SPARC: variants seen among roughly 807,000 people sequenced by gnomAD.
SPARC encodes secreted protein acidic and cysteine rich, also known as basement-membrane protein 40.
A neutral mutation model predicts 37.7 loss-of-function variants in SPARC; 23 were observed. The observed-to-expected ratio is 0.61, with a 90% CI of 0.44 to 0.87. The LOEUF is 0.87. Ranked by LOEUF, SPARC falls within the 40% of genes least tolerant of loss-of-function variation. SPARC has a pLI of 0.00. For missense variants in SPARC, 312 were observed against 389.0 expected, an observed-to-expected ratio of 0.80 and a Z score of 1.66; for synonymous variants, 155 against 150.8, an observed-to-expected ratio of 1.03 and a Z score of -0.20.
chr5:151,676,712 C>T (rs766665018), intron 1 of SPARC, among the ~76,000 whole-genome samples: 7 of 152,158 alleles, frequency 4.6e-5, no homozygotes, highest in Admixed American at 1.3e-4. Flanking sequence ...TTCAAGGTCC[C>T]TTCAATCCCT....
intron 1 of SPARC, chr5:151,685,787 T>C: frequency 6.6e-6 from 1 of 152,226 alleles, no homozygotes; most frequent in African/African-American, 2.4e-5. Context: ...ATGCTGTCCT[T>C]TCCTGAGGAA....
intron 5 of SPARC, among the ~76,000 whole-genome samples, 167 bp downstream of exon 5, chr5:151,671,406 G>A (rs1187236194): frequency 6.6e-6 from 1 of 152,206 alleles, no homozygotes; most frequent in Non-Finnish European, 1.5e-5. Flanking sequence ...GTGCCAGGCA[G>A]AGCACTCTGA....
At chr5:151,677,078 C>T (rs1259278649) in intron 1 of SPARC, 7 of 152,306 alleles carry the variant, frequency 4.6e-5, no homozygotes, top group African/African-American at 1.7e-4. Flanking sequence ...CTCTAAATGC[C>T]AAGCTCTAGA....
intron 2 of SPARC, among the ~76,000 whole-genome samples, chr5:151,675,376 A>C (rs1760833493): frequency 6.6e-6 from 1 of 152,134 alleles, no homozygotes; most frequent in South Asian, 2.1e-4. Context: ...TGAGCTGTGG[A>C]TAACTACTCC....
chr5:151,673,966 CTG>C (rs3138755), intron 3 of SPARC, among the ~76,000 whole-genome samples: 35,580 of 141,540 alleles, frequency 0.25, 5,022 homozygotes, highest in Non-Finnish European at 0.34. Flanking sequence ...CCCCTTTCCT[CTG>C]TGTGTGTGTG....
intron 4 of SPARC, chr5:151,671,913 A>T (rs531147833): frequency 1.3e-5 from 7 of 543,500 alleles, no homozygotes; most frequent in African/African-American, 2.0e-5. Flanking sequence ...CTTGAGATAG[A>T]GGTCAGGCAC....
At chr5:151,684,305 G>T (rs1761076985) in intron 1 of SPARC, among the ~76,000 whole-genome samples, 1 of 152,110 alleles carries the variant, frequency 6.6e-6, no homozygotes, top group Admixed American at 6.6e-5. Context: ...GAGTTAGAAG[G>T]GTGCCTGGGA....
In SPARC at chr5:151,678,730, A is replaced by G. The variant is rs531147179; in HGVS notation, c.-13-2529T>C. 3.9e-5 allele frequency among the ~76,000 whole-genome samples: 6 copies of G among 152,354 alleles called. No homozygotes were observed. The South Asian group carries it at 1.2e-3, about 32-fold the overall frequency. ...AAGTGGGAGTGGGGGAGAAATGCAG[A>G]GAGACTGTTAAGAACAGAACGCAAA... On this transcript the variant is annotated intron_variant, in intron 1 of 9. Transcript: ENST00000231061.
chr5:151,667,659 C>T, intron 6 of SPARC, 59 bp from the exon 7 acceptor site: 14 of 1,571,874 alleles, frequency 8.9e-6, no homozygotes, highest in Non-Finnish European at 1.1e-5. Context: ...GCTCCCCACC[C>T]CAGGCCCCCA....
chr5:151,681,104 CA>C (rs1334384080), intron 1 of SPARC, among the ~76,000 whole-genome samples: 1 of 152,158 alleles, frequency 6.6e-6, no homozygotes, highest in Non-Finnish European at 1.5e-5. Context: ...ACAAGGGCTC[CA>C]AAAACACATG....
intron 8 of SPARC, among the ~76,000 whole-genome samples, chr5:151,665,929 T>A (rs762713666): frequency 6.6e-6 from 1 of 152,172 alleles, no homozygotes; most frequent in African/African-American, 2.4e-5. Context: ...CCAGGGTCAG[T>A]TGGGCCCTAT....
intron 4 of SPARC, chr5:151,672,747 T>C: frequency 4.0e-6 from 1 of 250,222 alleles, no homozygotes. Context: ...CTCTCAGTTC[T>C]ACTTCTCTGT....
rs1284964033 is a variant in SPARC, at chr5:151,661,391, C to A, written c.*2180G>T. ...CCTCAAATGGCCAGCACCAAATGGG[C>A]CAATCTCTCCTACTGCTCGCCCTCC... On this transcript the variant is annotated 3_prime_UTR_variant, in exon 10 of 10. Coordinates refer to ENST00000231061, the MANE Select transcript of SPARC (RefSeq NM_003118.4). 1 of 152,172 alleles carries A rather than the reference C, an allele frequency of 6.6e-6. No homozygotes were observed. The highest frequency in any genetic ancestry group is 1.9e-4 in the East Asian group (1 of 5,206). The allele number at this position is 152,172 out of a possible 1,614,324, so 9.4% of individuals were successfully genotyped here.
Position 151,663,963 on chromosome 5 carries a change from A to G in SPARC, c.883+124T>C, listed in dbSNP as rs1010609012. 5.2e-6 allele frequency: 6 copies of G among 1,144,762 alleles called. No individual in the cohort carries two copies. In the African/African-American group the frequency reaches 7.5e-5, roughly 14 times the overall value. The allele number at this position is 1,144,762 out of a possible 1,614,324, so 70.9% of individuals were successfully genotyped here. On this transcript the variant is annotated intron_variant, in intron 9 of 9. Coordinates refer to ENST00000231061, the MANE Select transcript of SPARC (RefSeq NM_003118.4). ...CAGGAGTCAAATAGGCAGAGAGAGC[A>G]GAGACAGGCAGAGAGGACAGACAAC...
At chr5:151,664,305 G>C (rs945872227) in intron 8 of SPARC, 70 bp from the exon 9 acceptor site, 32 of 1,461,314 alleles carry the variant, frequency 2.2e-5, no homozygotes, top group Non-Finnish European at 2.6e-5. Flanking sequence ...GGAGGCAACC[G>C]GGGAGTTAGC....
At chr5:151,675,733 C>G (rs1225370930) in intron 2 of SPARC, among the ~76,000 whole-genome samples, 1 of 152,162 alleles carries the variant, frequency 6.6e-6, no homozygotes, top group Non-Finnish European at 1.5e-5. Flanking sequence ...ACAACCCTCA[C>G]TGTTTCAGAA....
chr5:151,666,753 ACACACT>A (rs546756152), intron 7 of SPARC, among the ~76,000 whole-genome samples: 426 of 152,352 alleles, frequency 2.8e-3, no homozygotes, highest in Middle Eastern at 0.014. Context: ...AAGGCCGGGC[ACACACT>A]CACACCTGTA....
chr5:151,664,245 A>G lies in SPARC; in HGVS notation c.735-10T>C. ...GGTGTGGGAGAGGTACCTGCAGGGAAGGAGGCAGGGGAGGGCCTGAGGCAT... is the reference window on the plus strand; with the variant it reads ...GGTGTGGGAGAGGTACCTGCAGGGAGGGAGGCAGGGGAGGGCCTGAGGCAT... On this transcript the variant is annotated splice_polypyrimidine_tract_variant and intron_variant, in intron 8 of 9. Coordinates refer to ENST00000231061, the MANE Select transcript of SPARC (RefSeq NM_003118.4). The G allele has an allele frequency of 6.2e-7, 1 of 1,612,754 alleles. No homozygotes were observed. Among genetic ancestry groups the G allele is most frequent in the East Asian group, 2.2e-5 (1 of 44,822 alleles).
rs780863361 is a variant in SPARC, at chr5:151,671,529, A to G, written c.330+44T>C. ...TCCTGAGCAGACATCCTGTATTCCG[A>G]AGTGCCCAATCCCTTCCCCCTGCCC... is the stretch of plus-strand genomic sequence containing the variant. On this transcript the variant is annotated intron_variant, in intron 5 of 9. Transcript: ENST00000231061. 46 of 1,516,716 alleles carry G rather than the reference A, an allele frequency of 3.0e-5. 1 individual carries two copies. In the South Asian group the frequency reaches 6.0e-4, roughly 20 times the overall value. 94.0% of individuals were successfully genotyped at this position (1,516,716 alleles called of 1,614,324 possible).
Sources: gnomAD v4.1 joint callset for allele counts (sites outside exome capture counted in the v4.1 genomes callset) on GRCh38, gnomAD v4.1.1 for gene constraint, MANE v1.5 for transcripts, NCBI Gene and HGNC (gene_info 2026-07-23, HGNC 2026-07-21) for gene names.